DGKI: variants seen among roughly 807,000 people sequenced by gnomAD.
The protein encoded by DGKI is DAG kinase iota.
In DGKI, 55 loss-of-function variants were observed where a neutral mutation model predicts 147.5. The ratio of observed to expected loss-of-function variants is 0.37; its 90% CI spans 0.30 to 0.47. The LOEUF is 0.47. Ranked by LOEUF, DGKI falls within the 20% of genes least tolerant of loss-of-function variation. The probability of loss-of-function intolerance (pLI) is 1.00; values close to 1 mark genes in which losing one functional copy is unlikely to be tolerated. For missense variants in DGKI, 1,007 were observed against 1,323.8 expected, an observed-to-expected ratio of 0.76 and a Z score of 3.71; for synonymous variants, 469 against 477.1, an observed-to-expected ratio of 0.98 and a Z score of 0.22.
chr7:137,663,723 A>G (rs1822528232), intron 3 of DGKI, among the ~76,000 whole-genome samples: 1 of 152,132 alleles, frequency 6.6e-6, no homozygotes, highest in African/African-American at 2.4e-5. Context: ...GAGAAGGGGA[A>G]ACAGAACTAC....
At chr7:137,430,668 T>C (rs1261947621) in intron 28 of DGKI, among the ~76,000 whole-genome samples, 1 of 152,108 alleles carries the variant, frequency 6.6e-6, no homozygotes, top group African/African-American at 2.4e-5. Flanking sequence ...TAGAGTGATG[T>C]AGAGAATGAT....
intron 1 of DGKI, among the ~76,000 whole-genome samples, chr7:137,744,480 G>T (rs552369264): frequency 3.3e-5 from 5 of 152,114 alleles, no homozygotes; most frequent in African/African-American, 4.8e-5. Flanking sequence ...AAGGAGAGCT[G>T]CTACCAATCC....
At chr7:137,587,777 T>C (rs1470414272) in intron 12 of DGKI, among the ~76,000 whole-genome samples, 1 of 152,204 alleles carries the variant, frequency 6.6e-6, no homozygotes, top group African/African-American at 2.4e-5. Flanking sequence ...TGGAAATTGA[T>C]AGTGTTTTCC....
At chr7:137,619,197 G>A (rs987443803) in intron 8 of DGKI, among the ~76,000 whole-genome samples, 3 of 152,174 alleles carry the variant, frequency 2.0e-5, no homozygotes, top group Admixed American at 1.3e-4. Flanking sequence ...CAAAGATTAC[G>A]ACCTTGTCAA....
intron 29 of DGKI, among the ~76,000 whole-genome samples, chr7:137,410,615 G>T (rs1182777655): frequency 6.6e-6 from 1 of 151,972 alleles, no homozygotes; most frequent in African/African-American, 2.4e-5. Context: ...TTATTTAAAA[G>T]TACAAAAAAA....
chr7:137,769,900 T>G (rs1026191012), intron 1 of DGKI, among the ~76,000 whole-genome samples: 4 of 152,242 alleles, frequency 2.6e-5, no homozygotes, highest in African/African-American at 9.6e-5. Flanking sequence ...TCAACCATTG[T>G]GGAAGCCAGT....
chr7:137,481,887 T>G (rs556889380), intron 23 of DGKI, among the ~76,000 whole-genome samples: 11 of 152,162 alleles, frequency 7.2e-5, no homozygotes, highest in African/African-American at 2.4e-4. Flanking sequence ...TGGTATTAAT[T>G]TATTCTCTTC....
At position 137,381,865 on chromosome 7, in the gene DGKI, A is replaced by G. The variant is rs1811069135; in HGVS notation, c.*9355T>C. ...CTAAATCTCCTTCCCCAGGATGGCA[A>G]GAATCCAAACTTTCCCAACTTATAA... is the stretch of plus-strand genomic sequence containing the variant. On this transcript the variant is annotated 3_prime_UTR_variant, in exon 33 of 33. Coordinates refer to ENST00000614521, the MANE Select transcript of DGKI (RefSeq NM_001321708.2). 1 of 152,146 alleles carries G rather than the reference A, an allele frequency of 6.6e-6. No individual in the cohort carries two copies. Among genetic ancestry groups the G allele is most frequent in the South Asian group, 2.1e-4 (1 of 4,834 alleles). 9.4% of individuals were successfully genotyped at this position (152,146 alleles called of 1,614,324 possible).
At chr7:137,620,742 T>C (rs1820718699) in intron 7 of DGKI, among the ~76,000 whole-genome samples, 1 of 152,184 alleles carries the variant, frequency 6.6e-6, no homozygotes, top group Admixed American at 6.5e-5. Context: ...CTGGTGACCT[T>C]AGGCCAGTCA....
At chr7:137,444,870 C>T (rs779817279) in intron 27 of DGKI, among the ~76,000 whole-genome samples, 1 of 152,154 alleles carries the variant, frequency 6.6e-6, no homozygotes, top group Non-Finnish European at 1.5e-5. Flanking sequence ...TTGAAGACTA[C>T]GGCTTTGACT....
chr7:137,571,466 G>A (rs1291412273), intron 18 of DGKI, among the ~76,000 whole-genome samples, 180 bp from the exon 19 acceptor site: 5 of 152,194 alleles, frequency 3.3e-5, no homozygotes, highest in African/African-American at 1.2e-4. Flanking sequence ...ATACCAAGCT[G>A]TGAAAACGGG....
chr7:137,638,704 G>GATATA (rs1821509004), intron 6 of DGKI, among the ~76,000 whole-genome samples: 1 of 141,596 alleles, frequency 7.1e-6, no homozygotes, highest in Non-Finnish European at 1.5e-5. Flanking sequence ...ACATATGTAC[G>GATATA]CACATAGATA....
In DGKI at chr7:137,472,327, ATGT is replaced by A. The variant is rs2128929555; in HGVS notation, c.2374-2711_2374-2709del. ...ATGTGTATATACATATAATTATTAT[ATGT>A]ATATATACATATAATTATTATATGT... On this transcript the variant is annotated intron_variant, in intron 23 of 32. Coordinates refer to ENST00000614521, the MANE Select transcript of DGKI (RefSeq NM_001321708.2). Among the ~76,000 whole-genome samples, 4 of 107,450 alleles carry A rather than the reference ATGT, an allele frequency of 3.7e-5. 2 individuals are homozygous for A. In the South Asian group the frequency reaches 9.9e-4, roughly 27 times the overall value. 70.5% of individuals were successfully genotyped at this position (107,450 alleles called of 152,430 possible). A position where few individuals can be genotyped will look rare whatever the true frequency, so the allele number is the denominator to read the frequency against.
At chr7:137,404,939 G>A (rs1811887689) in intron 30 of DGKI, among the ~76,000 whole-genome samples, 1 of 152,146 alleles carries the variant, frequency 6.6e-6, no homozygotes, top group Admixed American at 6.5e-5. Flanking sequence ...TTGATGCCAG[G>A]CAAAGTAGGT....
intron 20 of DGKI, among the ~76,000 whole-genome samples, chr7:137,547,105 C>A (rs1282974283): frequency 6.6e-6 from 1 of 152,200 alleles, no homozygotes; most frequent in African/African-American, 2.4e-5. Context: ...CCTTCAATGG[C>A]ACATTTCAAA....
At chr7:137,694,749 C>T (rs1823728475) in intron 1 of DGKI, among the ~76,000 whole-genome samples, 1 of 152,146 alleles carries the variant, frequency 6.6e-6, no homozygotes, top group Non-Finnish European at 1.5e-5. Context: ...ACTAACTTTG[C>T]TTGTCTTCAA....
At chr7:137,817,240 G>T (rs918076627) in intron 1 of DGKI, among the ~76,000 whole-genome samples, 1 of 151,864 alleles carries the variant, frequency 6.6e-6, no homozygotes, top group African/African-American at 2.4e-5. Context: ...TCATCAATTC[G>T]ATTCAAAGTG....
At chr7:137,495,020 T>G (rs1815909952) in intron 21 of DGKI, among the ~76,000 whole-genome samples, 1 of 151,894 alleles carries the variant, frequency 6.6e-6, no homozygotes, top group South Asian at 2.1e-4. Flanking sequence ...CAAAATAGAC[T>G]TTAAACCATC....
At chr7:137,548,222 G>C (rs759978296) in intron 20 of DGKI, among the ~76,000 whole-genome samples, 6 of 152,240 alleles carry the variant, frequency 3.9e-5, no homozygotes, top group Non-Finnish European at 8.8e-5. Flanking sequence ...TACTGGTAGA[G>C]AAGATAGAGG....
Sources: gnomAD v4.1 joint callset for allele counts (sites outside exome capture counted in the v4.1 genomes callset) on GRCh38, gnomAD v4.1.1 for gene constraint, MANE v1.5 for transcripts, NCBI Gene and HGNC (gene_info 2026-07-23, HGNC 2026-07-21) for gene names.